DNAI7: variants seen among roughly 807,000 people sequenced by gnomAD.
The protein encoded by DNAI7 is dynein axonemal intermediate chain 7.
DNAI7 carries 78 observed loss-of-function variants against 86.6 expected under a neutral mutation model. That is an observed-to-expected ratio of 0.90 (90% CI 0.75 to 1.09). The LOEUF (loss-of-function observed/expected upper bound fraction) is 1.09. DNAI7 is among the 50% of genes least tolerant of loss of function. DNAI7 has a pLI of 0.00. For missense variants in DNAI7, 753 were observed against 810.2 expected, an observed-to-expected ratio of 0.93 and a Z score of 0.86; for synonymous variants, 274 against 273.0, an observed-to-expected ratio of 1.00 and a Z score of -0.04.
intron 2 of DNAI7, among the ~76,000 whole-genome samples, chr12:25,169,931 G>T (rs187667947): frequency 1.2e-4 from 19 of 152,174 alleles, no homozygotes; most frequent in African/African-American, 4.1e-4. Context: ...GCCTTCAGGG[G>T]ATTCATCTAA....
At chr12:25,157,421 C>CA (rs1451618869) in intron 4 of DNAI7, among the ~76,000 whole-genome samples, 21 of 151,568 alleles carry the variant, frequency 1.4e-4, no homozygotes, top group African/African-American at 4.8e-4. Context: ...TACAAAACAA[C>CA]ATATTGCAAC....
chr12:25,122,473 G>GAGA (rs142782332), intron 10 of DNAI7, among the ~76,000 whole-genome samples: 5 of 144,530 alleles, frequency 3.5e-5, no homozygotes, highest in South Asian at 2.1e-4. Flanking sequence ...AAAAAAGAAG[G>GAGA]AGAAGAAGAA....
chr12:25,152,820 T>C (rs1592459737), intron 6 of DNAI7, among the ~76,000 whole-genome samples: 2 of 152,244 alleles, frequency 1.3e-5, no homozygotes, highest in South Asian at 4.1e-4. Context: ...AGTTGGATAA[T>C]TGGTTGGTGT....
At chr12:25,178,499 T>C (rs879940680) in intron 2 of DNAI7, among the ~76,000 whole-genome samples, 3 of 152,156 alleles carry the variant, frequency 2.0e-5, no homozygotes, top group Non-Finnish European at 2.9e-5. Context: ...GTCAATTTTA[T>C]CAGTTTTCAA....
At chr12:25,137,772 C>A (rs1252694491) in intron 9 of DNAI7, among the ~76,000 whole-genome samples, 1 of 152,086 alleles carries the variant, frequency 6.6e-6, no homozygotes, top group African/African-American at 2.4e-5. Flanking sequence ...AGACTATAAA[C>A]AACAGTAGTT....
In DNAI7 at chr12:25,161,127, C is replaced by T. The variant is rs1443258231; in HGVS notation, c.92G>A (p.Arg31Gln). 6.2e-7 allele frequency: 1 copy of T among 1,613,108 alleles called. No individual in the cohort carries two copies. Among genetic ancestry groups the T allele is most frequent in the Non-Finnish European group, 8.5e-7 (1 of 1,179,354 alleles). Residue 31 changes from arginine (R) to glutamine (Q), a missense_variant, in exon 3 of 16, where the codon CGA becomes CAA. Coordinates refer to ENST00000395987, the MANE Select transcript of DNAI7 (RefSeq NM_018272.5). ...TTATTTTGTACCTTCCTCTTTCAGT[C>T]GTCTCTCCTCCTCCTCTTGTAGCAG... is the stretch of plus-strand genomic sequence containing the variant. ...LKLLQEEEER[R>Q]LKEEEEARLK...
At chr12:25,145,449 T>C (rs1944705390) in intron 8 of DNAI7, among the ~76,000 whole-genome samples, 1 of 152,174 alleles carries the variant, frequency 6.6e-6, no homozygotes, top group African/African-American at 2.4e-5. Flanking sequence ...TAAACCTGGG[T>C]AGTGAGTACA....
At chr12:25,190,747 C>T in intron 1 of DNAI7, 116 bp from the exon 2 acceptor site, 1 of 467,142 alleles carries the variant, frequency 2.1e-6, no homozygotes, top group Non-Finnish European at 3.9e-6. Flanking sequence ...CATAAGGGAA[C>T]TCTCTGTACC....
intron 9 of DNAI7, among the ~76,000 whole-genome samples, chr12:25,128,968 G>T (rs1399991138): frequency 6.6e-6 from 1 of 152,044 alleles, no homozygotes; most frequent in African/African-American, 2.4e-5. Flanking sequence ...TTCTCACTCT[G>T]GCCTGCAAAG....
rs550012797 is a variant in DNAI7, at chr12:25,162,326, A to T, written c.22-1129T>A. On this transcript the variant is annotated intron_variant, in intron 2 of 15. Transcript: ENST00000395987. ...CCAGAACAGGTGAATTTGAATGAAG[A>T]ATTGTTAAAAATAATTTACATATAA... 2.0e-5 allele frequency among the ~76,000 whole-genome samples: 3 copies of T among 152,370 alleles called. No individual in the cohort carries two copies. The South Asian group carries it at 6.2e-4, about 32-fold the overall frequency.
chr12:25,190,835 C>G (rs1387488825), intron 1 of DNAI7, among the ~76,000 whole-genome samples: 1 of 152,084 alleles, frequency 6.6e-6, no homozygotes, highest in Non-Finnish European at 1.5e-5. Flanking sequence ...GACAAAACTA[C>G]AAATAAGTAT....
intron 8 of DNAI7, among the ~76,000 whole-genome samples, chr12:25,145,704 T>C (rs1329806356): frequency 2.0e-5 from 3 of 152,166 alleles, no homozygotes; most frequent in Non-Finnish European, 4.4e-5. Context: ...AGCTAGTCTT[T>C]TCAGAGGTAG....
chr12:25,124,271 G>A (rs149451728), intron 9 of DNAI7, among the ~76,000 whole-genome samples: 127 of 150,496 alleles, frequency 8.4e-4, no homozygotes, highest in African/African-American at 2.5e-3. Context: ...TGCCCTATGT[G>A]TCTTCCCCCT....
chr12:25,114,090 T>C (rs1051400266), intron 13 of DNAI7, among the ~76,000 whole-genome samples: 2 of 151,886 alleles, frequency 1.3e-5, no homozygotes, highest in South Asian at 2.1e-4. Context: ...GGATTACAGG[T>C]GTGTGCCACC....
chr12:25,170,722 G>A (rs1948048690), intron 2 of DNAI7, among the ~76,000 whole-genome samples: 1 of 152,140 alleles, frequency 6.6e-6, no homozygotes, highest in Admixed American at 6.5e-5. Context: ...TAGATCATAT[G>A]ATAGGCCATA....
Position 25,144,362 on chromosome 12 carries a change from T to C in DNAI7, c.1002+3A>G. 1 of 1,606,856 alleles carries C rather than the reference T, an allele frequency of 6.2e-7. No individual in the cohort carries two copies. The highest frequency in any genetic ancestry group is 1.1e-5 in the South Asian group (1 of 90,708). On this transcript the variant is annotated splice_donor_region_variant and intron_variant, in intron 9 of 15. Coordinates refer to ENST00000395987, the MANE Select transcript of DNAI7 (RefSeq NM_018272.5). ...AAAATGTGTATATTTAAATGTGTCCTACCATTTTCACTTCAATATCACCTT... is the reference window on the plus strand; with the variant it reads ...AAAATGTGTATATTTAAATGTGTCCCACCATTTTCACTTCAATATCACCTT...
Position 25,108,651 on chromosome 12 carries a change from A to G in DNAI7, c.2066T>C (p.Phe689Ser), listed in dbSNP as rs1476943343. 1 of 1,613,742 alleles carries G rather than the reference A, an allele frequency of 6.2e-7. No homozygotes were observed. Among genetic ancestry groups the G allele is most frequent in the African/African-American group, 1.3e-5 (1 of 74,852 alleles). The change falls in exon 16 of 16, where the codon TTT becomes TCT. Residue 689 changes from phenylalanine (F) to serine (S), a missense_variant. Phe to Ser is a radical substitution (Grantham distance 155, BLOSUM62 -2). Coordinates refer to ENST00000395987, the MANE Select transcript of DNAI7 (RefSeq NM_018272.5). ...TTTCTCCATTGCTTCCTCAGAAGCA[A>G]AATCCTTCACCATGTGATATAAAGT... is the stretch of plus-strand genomic sequence containing the variant. ...HSTLYHMVKD[F>S]ASEEAMEKVR...
chr12:25,113,279 C>CTGTTGTTGTTGT (rs111423023), intron 13 of DNAI7, among the ~76,000 whole-genome samples: 71 of 150,678 alleles, frequency 4.7e-4, no homozygotes, highest in African/African-American at 1.6e-3. Flanking sequence ...GTTGTTGTTG[C>CTGTTGTTGTTGT]TGTTGTTGTT....
intron 2 of DNAI7, among the ~76,000 whole-genome samples, chr12:25,173,997 A>G (rs1948463039): frequency 6.7e-6 from 1 of 149,094 alleles, no homozygotes; most frequent in African/African-American, 2.4e-5. Flanking sequence ...CATGGAATAC[A>G]TATATCATAT....
Sources: gnomAD v4.1 joint callset for allele counts (sites outside exome capture counted in the v4.1 genomes callset) on GRCh38, gnomAD v4.1.1 for gene constraint, MANE v1.5 for transcripts, NCBI Gene and HGNC (gene_info 2026-07-23, HGNC 2026-07-21) for gene names.